Variants in GUSB observed in about 807,000 individuals in gnomAD.
GUSB encodes beta-glucuronidase.
Under a neutral mutation model 74.6 loss-of-function variants are expected in GUSB, and 51 were observed. That is an observed-to-expected ratio of 0.68 (90% confidence interval 0.55 to 0.86). GUSB has a LOEUF of 0.86. Ranked by LOEUF, GUSB falls within the 40% of genes least tolerant of loss-of-function variation. GUSB has a pLI of 0.00. For missense variants in GUSB, 736 were observed against 853.7 expected, an observed-to-expected ratio of 0.86 and a Z score of 1.72; for synonymous variants, 360 against 348.3, an observed-to-expected ratio of 1.03 and a Z score of -0.37.
Position 65,967,490 on chromosome 7 carries a change from T to C in GUSB, c.1653+241A>G, listed in dbSNP as rs148750920. Among the ~76,000 whole-genome samples the C allele has an allele frequency of 1.5e-3, 223 of 152,210 alleles. 2 individuals are homozygous for C. The East Asian group carries it at 0.027, about 18-fold the overall frequency. On this transcript the variant is annotated intron_variant, in intron 10 of 11. Transcript: ENST00000304895. ...AATTTGGATCTGTTAGAAAGACCACTTGGGCACGGGTGATAGGAGGCTATC... is the reference window on the plus strand; with the variant it reads ...AATTTGGATCTGTTAGAAAGACCACCTGGGCACGGGTGATAGGAGGCTATC...
Position 65,960,792 on chromosome 7 carries a change from A to AAAC in GUSB, c.*102_*104dup. The stretch of plus-strand genomic sequence containing the variant: ...TAGATGACCACAAAACCCAGGCCAG[A>AAAC]AACGTTCTGGTCTGCCGTGAACAGT... On this transcript the variant is annotated 3_prime_UTR_variant, in exon 12 of 12. Transcript: ENST00000304895. 1 of 929,562 alleles carries AAAC rather than the reference A, an allele frequency of 1.1e-6. No homozygotes were observed. The highest frequency in any genetic ancestry group is 1.8e-6 in the Non-Finnish European group (1 of 558,150). The allele number at this position is 929,562 out of a possible 1,614,324, so 57.6% of individuals were successfully genotyped here. A position where few individuals can be genotyped will look rare whatever the true frequency, so the allele number is the denominator to read the frequency against.
intron 10 of GUSB, among the ~76,000 whole-genome samples, chr7:65,965,225 G>A (rs528140837): frequency 6.6e-6 from 1 of 152,166 alleles, no homozygotes; most frequent in East Asian, 1.9e-4. Context: ...AGGCAACACA[G>A]TGAGACCCAG....
chr7:65,977,542 ATTTAT>A (rs1383509988), intron 4 of GUSB, among the ~76,000 whole-genome samples: 39 of 151,730 alleles, frequency 2.6e-4, no homozygotes, highest in Admixed American at 2.3e-3. Flanking sequence ...TTTTTTATTC[ATTTAT>A]TTTATTTTAT....
rs757015172 is a variant in GUSB, at chr7:65,964,365, C to T, written c.1747G>A (p.Gly583Arg). Residue 583 changes from glycine (G) to arginine (R), a missense_variant, in exon 11 of 12, where the codon GGA (glycine) becomes AGA (arginine). Gly to Arg is a moderately radical substitution (Grantham distance 125). Transcript: ENST00000304895. ...LDQKRRKYVV[G>R]ELIWNFADFM... Reference sequence around the variant, plus strand: ...TCGGCAAAATTCCAAATGAGCTCTCCAACCACGTATTTTCTGCGTTTTTGA... The same window carrying T: ...TCGGCAAAATTCCAAATGAGCTCTCTAACCACGTATTTTCTGCGTTTTTGA... 2 of 1,611,960 alleles carry T rather than the reference C, an allele frequency of 1.2e-6. No homozygotes were observed. The highest frequency in any genetic ancestry group is 1.7e-6 in the Non-Finnish European group (2 of 1,179,778).
intron 4 of GUSB, 155 bp downstream of exon 4, chr7:65,979,244 G>T (rs989607778): frequency 2.4e-6 from 2 of 840,404 alleles, no homozygotes; most frequent in African/African-American, 1.7e-5. Flanking sequence ...GCCCGTATCC[G>T]CTCACACAGG....
chr7:65,967,700 A>T (rs1293886385), intron 10 of GUSB, 31 bp downstream of exon 10: 1 of 1,586,454 alleles, frequency 6.3e-7, no homozygotes, highest in Non-Finnish European at 8.6e-7. Context: ...CCCTGAGAGA[A>T]CACACAAGCA....
At chr7:65,978,968 T>C (rs1416846662) in intron 4 of GUSB, among the ~76,000 whole-genome samples, 1 of 152,074 alleles carries the variant, frequency 6.6e-6, no homozygotes. Flanking sequence ...GGCCTCACTA[T>C]GTTGCCCAGG....
intron 8 of GUSB, 51 bp from the exon 9 acceptor site, chr7:65,970,417 A>C: frequency 8.5e-7 from 1 of 1,183,426 alleles, no homozygotes; most frequent in Non-Finnish European, 1.3e-6. Flanking sequence ...GGAATGGCTC[A>C]GACACCCTCC....
chr7:65,970,906 A>G (rs1791160959), intron 8 of GUSB, among the ~76,000 whole-genome samples: 1 of 151,502 alleles, frequency 6.6e-6, no homozygotes, highest in Non-Finnish European at 1.5e-5. Context: ...ACAAACAAAA[A>G]CAAAGGGGAA....
intron 4 of GUSB, among the ~76,000 whole-genome samples, chr7:65,977,128 G>A (rs376429813): frequency 2.6e-5 from 4 of 151,994 alleles, no homozygotes; most frequent in East Asian, 1.9e-4. Flanking sequence ...TCATCCTTAC[G>A]AGCAGCCTGT....
In GUSB at chr7:65,964,114, C is replaced by G. The variant is rs577945597; in HGVS notation, c.1789+209G>C. ...CTGACTCTCCTGTTTGCTTTTTGAC[C>G]GTATTTGGGAGGCGGGGGCCTGATT... On this transcript the variant is annotated intron_variant, in intron 11 of 11. Transcript: ENST00000304895. The G allele has an allele frequency of 8.4e-5, 50 of 597,816 alleles. No individual in the cohort carries two copies. In the South Asian group the frequency reaches 9.1e-4, roughly 11 times the overall value. The allele number at this position is 597,816 out of a possible 1,614,324, so 37.0% of individuals were successfully genotyped here.
Position 65,974,619 on chromosome 7 carries a change from CT to C in GUSB, c.1150del (p.Ser384AlafsTer9). 1 of 1,614,042 alleles carries C rather than the reference CT, an allele frequency of 6.2e-7. No homozygotes were observed. Among genetic ancestry groups the C allele is most frequent in the Non-Finnish European group, 8.5e-7 (1 of 1,179,970 alleles). ...CACTTCCTCTGCATAGGGGTAGTGG[CT>C]GGTACGGAAAGCGTTGGCACCAAGC... Reference protein sequence around the residue: ...RWLGANAFRTSHYPYAEEVMQ... With the variant: ...RWLGANAFRTXHYPYAEEVMQ... On this transcript the variant is annotated frameshift_variant, in exon 7 of 12. Transcript: ENST00000304895. LOFTEE classifies it high-confidence loss of function.
chr7:65,970,772 TGAGCTACTCAG>T (rs1791150178), intron 8 of GUSB, among the ~76,000 whole-genome samples: 1 of 151,884 alleles, frequency 6.6e-6, no homozygotes, highest in African/African-American at 2.4e-5. Flanking sequence ...GCCTATAGTC[TGAGCTACTCAG>T]GAGGCTGAGG....
At position 65,961,064 on chromosome 7, in the gene GUSB, C is replaced by CT. The variant is rs764071830; in HGVS notation, c.1790-2dup. On this transcript the variant is annotated splice_acceptor_variant, in intron 11 of 11. Coordinates refer to ENST00000304895, the MANE Select transcript of GUSB (RefSeq NM_000181.4). LOFTEE classifies it high-confidence loss of function. ...TTATTCCCCAGCACTCTCGTCGGTG[C>CT]TACAAAAAAAAAAAAAAGACACAAA... 14 of 1,601,096 alleles carry CT rather than the reference C, an allele frequency of 8.7e-6. No individual in the cohort carries two copies. In the Admixed American group the frequency reaches 2.4e-4, roughly 28 times the overall value.
At chr7:65,981,867 G>A in intron 1 of GUSB, 107 bp downstream of exon 1, 1 of 1,003,708 alleles carries the variant, frequency 1.0e-6, no homozygotes, top group Non-Finnish European at 1.4e-6. Flanking sequence ...CCTCCTGCGG[G>A]CCCCAGCTCG....
In GUSB at chr7:65,964,320, TAC is replaced by T. The variant is rs1178828401; in HGVS notation, c.1789+1_1789+2del. The T allele has an allele frequency of 6.2e-7, 1 of 1,611,542 alleles. No individual in the cohort carries two copies. The highest frequency in any genetic ancestry group is 8.5e-7 in the Non-Finnish European group (1 of 1,179,422). On this transcript the variant is annotated splice_donor_variant, in intron 11 of 11. Transcript: ENST00000304895. LOFTEE classifies it high-confidence loss of function. ...TTATCCCATGAGCCAAACTGCCACT[TAC>T]ACTGTTCAGTCATGAAATCGGCAAA...
rs1283061480 is a variant in GUSB, at chr7:65,979,741, C to T, written c.567G>A (p.Leu189=). Residue 189 remains leucine (L), a synonymous_variant, in exon 3 of 12, where the codon CTG becomes CTA. Transcript: ENST00000304895. Reference sequence around the variant, plus strand: ...ATGGTACCCACTTGGAGGTGTCAGTCAGGTATTGGATGGTCCCTGGTGGCA... The same window carrying T: ...ATGGTACCCACTTGGAGGTGTCAGTTAGGTATTGGATGGTCCCTGGTGGCA... The part of the protein sequence containing the change: ...TTLPPGTIQY[L]TDTSKYPKGY... 1 of 1,613,742 alleles carries T rather than the reference C, an allele frequency of 6.2e-7. No homozygotes were observed.
chr7:65,962,411 G>T (rs1044003669), intron 11 of GUSB, among the ~76,000 whole-genome samples: 4 of 152,164 alleles, frequency 2.6e-5, no homozygotes, highest in South Asian at 4.1e-4. Context: ...CCCACCAAAA[G>T]GTTCAAGACT....
Position 65,974,977 on chromosome 7 carries a change from A to C in GUSB, c.1007T>G (p.Phe336Cys). ...ATAGAAAGGTTTCCCATTGATGAGG[A>C]ACTGGCTCTTGGTGACAGCCACAGT... ...IRTVAVTKSQ[F>C]LINGKPFYFH... Residue 336 changes from phenylalanine to cysteine, a missense_variant, in exon 6 of 12, where the codon TTC (phenylalanine) becomes TGC (cysteine). Around this residue, in one of 2 missense-constraint regions of GUSB, gnomAD observed 368 missense variants for 489.9 expected, o/e 0.75. Coordinates refer to ENST00000304895, the MANE Select transcript of GUSB (RefSeq NM_000181.4). 2 of 1,613,782 alleles carry C rather than the reference A, an allele frequency of 1.2e-6. No homozygotes were observed. Among genetic ancestry groups the C allele is most frequent in the Non-Finnish European group, 8.5e-7 (1 of 1,179,710 alleles).
Sources: gnomAD v4.1 joint callset for allele counts (sites outside exome capture counted in the v4.1 genomes callset) on GRCh38, gnomAD v4.1.1 for gene constraint, gnomAD v4.1.1 regional missense constraint, MANE v1.5 for transcripts, NCBI Gene and HGNC (gene_info 2026-07-23, HGNC 2026-07-21) for gene names.